Variants in LAPTM4B observed in about 807,000 individuals in gnomAD.
The protein encoded by LAPTM4B is lysosomal-associated transmembrane protein 4B.
A neutral mutation model predicts 28.5 loss-of-function variants in LAPTM4B; 26 were observed. The observed-to-expected ratio is 0.91, with a 90% CI of 0.67 to 1.27. The LOEUF (loss-of-function observed/expected upper bound fraction) is 1.27, where lower values mean the gene tolerates loss of function less well. LAPTM4B is among the 50% of genes most tolerant of loss of function. The pLI is 0.00. For missense variants in LAPTM4B, 288 were observed against 285.8 expected, an observed-to-expected ratio of 1.01 and a Z score of -0.06; for synonymous variants, 109 against 106.4, an observed-to-expected ratio of 1.02 and a Z score of -0.15.
chr8:97,805,323 TC>T, intron 1 of LAPTM4B, 29 bp from the exon 2 acceptor site: 1 of 1,063,484 alleles, frequency 9.4e-7, no homozygotes, highest in Non-Finnish European at 1.3e-6. Context: ...TTACTTAAAT[TC>T]TTTTTTTTTT....
chr8:97,825,565 G>A (rs1817079412), intron 6 of LAPTM4B, among the ~76,000 whole-genome samples: 1 of 152,140 alleles, frequency 6.6e-6, no homozygotes, highest in Middle Eastern at 3.2e-3. Flanking sequence ...AGGTAAAAAA[G>A]AACTGCAAAG....
chr8:97,833,982 C>G (rs1817222570), intron 6 of LAPTM4B, among the ~76,000 whole-genome samples: 1 of 151,734 alleles, frequency 6.6e-6, no homozygotes, highest in Non-Finnish European at 1.5e-5. Context: ...GAACTCATTC[C>G]TCATTCTCTA....
rs1422807281 is a variant in LAPTM4B at position 97,852,937 on chromosome 8, G to A, written c.*1463G>A. 8.5e-6 allele frequency: 4 copies of A among 473,088 alleles called. No individual in the cohort carries two copies. Among genetic ancestry groups the A allele is most frequent in the Admixed American group, 3.9e-5 (1 of 25,498 alleles). 29.3% of individuals were successfully genotyped at this position (473,088 alleles called of 1,614,324 possible). On this transcript the variant is annotated 3_prime_UTR_variant, in exon 7 of 7. Transcript: ENST00000521545. ...CCGTGGAGAATAAATTACCATTGGT[G>A]TGGGGGAAAAAAGCCAAACAGAAGT...
chr8:97,818,559 T>A (rs537898225), intron 4 of LAPTM4B, among the ~76,000 whole-genome samples: 1 of 152,308 alleles, frequency 6.6e-6, no homozygotes, highest in South Asian at 2.1e-4. Context: ...TAGTGCTTGA[T>A]TATTTCCCCC....
At chr8:97,793,567 A>G (rs1005879878) in intron 1 of LAPTM4B, among the ~76,000 whole-genome samples, 5 of 152,214 alleles carry the variant, frequency 3.3e-5, no homozygotes, top group Non-Finnish European at 5.9e-5. Context: ...AGTGATGTCA[A>G]CATCATCCAT....
chr8:97,845,862 C>T (rs1295801462), intron 6 of LAPTM4B, among the ~76,000 whole-genome samples: 2 of 57,544 alleles, frequency 3.5e-5, no homozygotes, highest in Non-Finnish European at 8.6e-5. Flanking sequence ...TTTTCCCCCC[C>T]CTTCCACTCC....
At chr8:97,827,913 T>C (rs778511191) in intron 6 of LAPTM4B, among the ~76,000 whole-genome samples, 30 of 152,116 alleles carry the variant, frequency 2.0e-4, no homozygotes, top group Admixed American at 7.2e-4. Flanking sequence ...ACAAGGTTGA[T>C]CGATCAGTTA....
At chr8:97,845,700 TC>T (rs1183335821) in intron 6 of LAPTM4B, among the ~76,000 whole-genome samples, 1 of 151,862 alleles carries the variant, frequency 6.6e-6, no homozygotes, top group Non-Finnish European at 1.5e-5. Context: ...CTAGACACCC[TC>T]CCCAGGAAAA....
chr8:97,845,886 CCCCTCCCCTCCCCTCCCCTTCCCTT>C (rs1378429317), intron 6 of LAPTM4B, among the ~76,000 whole-genome samples: 1 of 90,346 alleles, frequency 1.1e-5, no homozygotes, highest in East Asian at 3.5e-4. Context: ...CCCCTCCCCT[CCCCTCCCCTCCCCTCCCCTTCCCTT>C]CGACAGGGTC....
intron 1 of LAPTM4B, among the ~76,000 whole-genome samples, chr8:97,804,792 ACTGGCCTGGC>A (rs370311995): frequency 4.9e-4 from 74 of 152,032 alleles, no homozygotes; most frequent in Admixed American, 2.1e-3. Flanking sequence ...AGACAGGACT[ACTGGCCTGGC>A]CTGGCCTGGC....
intron 6 of LAPTM4B, among the ~76,000 whole-genome samples, chr8:97,836,237 G>A (rs909830803): frequency 3.3e-5 from 5 of 152,162 alleles, no homozygotes; most frequent in Non-Finnish European, 5.9e-5. Context: ...GGAATACATA[G>A]GAGTGATACA....
At chr8:97,780,380 G>A (rs921212551) in intron 1 of LAPTM4B, among the ~76,000 whole-genome samples, 3 of 151,282 alleles carry the variant, frequency 2.0e-5, no homozygotes, top group East Asian at 2.0e-4. Context: ...AGCTGAGATC[G>A]TGCGATTGCA....
intron 1 of LAPTM4B, among the ~76,000 whole-genome samples, chr8:97,777,603 T>G (rs1391421021): frequency 6.6e-6 from 1 of 152,210 alleles, no homozygotes; most frequent in African/African-American, 2.4e-5. Context: ...CATATGGTAT[T>G]CACTGTGCTA....
chr8:97,786,836 G>A (rs563650208), intron 1 of LAPTM4B, among the ~76,000 whole-genome samples: 1 of 152,270 alleles, frequency 6.6e-6, no homozygotes, highest in South Asian at 2.1e-4. Context: ...ACAGTAGTGG[G>A]CCTGGGGGTT....
intron 1 of LAPTM4B, 136 bp downstream of exon 1, chr8:97,776,244 G>GTGCCGCGTCCGCACTTCCCCCGGC (rs1816212246): frequency 2.7e-6 from 3 of 1,126,920 alleles, no homozygotes; most frequent in Non-Finnish European, 3.5e-6. Flanking sequence ...AATTCTCCGG[G>GTGCCGCGTCCGCACTTCCCCCGGC]TGCCGCGTCC....
intron 6 of LAPTM4B, among the ~76,000 whole-genome samples, chr8:97,826,887 A>G (rs762272788): frequency 2.8e-4 from 43 of 152,202 alleles, no homozygotes; most frequent in Non-Finnish European, 5.9e-4. Flanking sequence ...TAAAACAAAT[A>G]AAAAGTCCAT....
intron 5 of LAPTM4B, among the ~76,000 whole-genome samples, chr8:97,822,391 C>T (rs189738886): frequency 4.7e-4 from 71 of 151,942 alleles, no homozygotes; most frequent in Middle Eastern, 3.4e-3. Flanking sequence ...ACCAGAAACT[C>T]GAAGCTAGGA....
At chr8:97,803,748 C>T (rs563102336) in intron 1 of LAPTM4B, among the ~76,000 whole-genome samples, 45 of 151,798 alleles carry the variant, frequency 3.0e-4, no homozygotes, top group African/African-American at 9.2e-4. Flanking sequence ...TGGGCTCAGG[C>T]GATCCTCCCA....
intron 6 of LAPTM4B, among the ~76,000 whole-genome samples, chr8:97,840,846 A>G (rs1817336368): frequency 6.9e-6 from 1 of 144,390 alleles, no homozygotes; most frequent in Admixed American, 6.8e-5. Flanking sequence ...GCGGCCGGGC[A>G]GAGGCGCTCC....
Sources: allele counts gnomAD v4.1 joint callset (sites outside exome capture counted in the v4.1 genomes callset), GRCh38; gene constraint gnomAD v4.1.1; transcripts MANE v1.5; gene names NCBI Gene and HGNC (gene_info 2026-07-23, HGNC 2026-07-21).